Variants in SAMD12 observed in about 807,000 individuals in gnomAD.
SAMD12 encodes sterile alpha motif domain-containing protein 12.
In SAMD12, 9 loss-of-function variants were observed where a neutral mutation model predicts 15.0. That is an observed-to-expected ratio of 0.60 (90% CI 0.36 to 1.05). The LOEUF (loss-of-function observed/expected upper bound fraction) is 1.05. Among genes scored for constraint, SAMD12 ranks in the 50% least tolerant of loss-of-function variants. The pLI, the probability that SAMD12 is intolerant of heterozygous loss-of-function variation, is 0.01. For missense variants in SAMD12, 230 were observed against 234.2 expected (o/e 0.98, Z 0.12); for synonymous variants, 86 against 90.1 (o/e 0.96, Z 0.25).
intron 2 of SAMD12, among the ~76,000 whole-genome samples, chr8:118,513,216 A>C (rs187083565): frequency 6.6e-6 from 1 of 152,334 alleles, no homozygotes; most frequent in African/African-American, 2.4e-5. Context: ...TTAAATCACC[A>C]GCCCATCCCA....
At chr8:118,507,393 C>G (rs1563900013) in intron 2 of SAMD12, among the ~76,000 whole-genome samples, 1 of 151,984 alleles carries the variant, frequency 6.6e-6, no homozygotes, top group Non-Finnish European at 1.5e-5. Flanking sequence ...GTAAGTTTAA[C>G]ACGACAATAT....
chr8:118,329,675 T>C (rs1214333907), intron 4 of SAMD12, among the ~76,000 whole-genome samples: 2 of 152,232 alleles, frequency 1.3e-5, no homozygotes, highest in African/African-American at 4.8e-5. Flanking sequence ...TGCCTGTTTG[T>C]GAAATTCATC....
chr8:118,227,284 ATCT>A (rs1339982227), intron 4 of SAMD12, among the ~76,000 whole-genome samples: 1 of 152,120 alleles, frequency 6.6e-6, no homozygotes, highest in Non-Finnish European at 1.5e-5. Context: ...CAAATATCAC[ATCT>A]TCTCACTTAT....
chr8:118,335,192 A>G (rs1201058722), intron 4 of SAMD12, among the ~76,000 whole-genome samples: 1 of 152,192 alleles, frequency 6.6e-6, no homozygotes, highest in Non-Finnish European at 1.5e-5. Flanking sequence ...AGGAGTACAC[A>G]TGCAAGACCT....
chr8:118,417,649 C>T (rs1475729644), intron 3 of SAMD12, among the ~76,000 whole-genome samples: 2 of 151,904 alleles, frequency 1.3e-5, no homozygotes, highest in Non-Finnish European at 2.9e-5. Context: ...AGTAAGTAAA[C>T]ACATGGCCAG....
chr8:118,453,934 A>G (rs544848099), intron 2 of SAMD12, among the ~76,000 whole-genome samples: 10 of 152,040 alleles, frequency 6.6e-5, no homozygotes, highest in Non-Finnish European at 1.2e-4. Flanking sequence ...CCAAAGATCT[A>G]CCTCATAGAG....
chr8:118,234,502 G>A (rs1291622541), intron 4 of SAMD12, among the ~76,000 whole-genome samples: 1 of 151,912 alleles, frequency 6.6e-6, no homozygotes, highest in Non-Finnish European at 1.5e-5. Context: ...TTGAGGTCAG[G>A]AGTTCAAGAC....
At chr8:118,472,059 G>A (rs1823813506) in intron 2 of SAMD12, among the ~76,000 whole-genome samples, 1 of 151,896 alleles carries the variant, frequency 6.6e-6, no homozygotes, top group African/African-American at 2.4e-5. Context: ...AGGCCGAGGC[G>A]GGTGAATCAC....
chr8:118,255,257 C>G (rs11562708), intron 4 of SAMD12, among the ~76,000 whole-genome samples: 2,557 of 152,126 alleles, frequency 0.017, 83 homozygotes, highest in African/African-American at 0.058. Context: ...GCTCCATTCC[C>G]TCCAAATTTA....
intron 4 of SAMD12, among the ~76,000 whole-genome samples, chr8:118,334,403 A>T (rs888607038): frequency 1.3e-5 from 2 of 152,130 alleles, no homozygotes; most frequent in Non-Finnish European, 2.9e-5. Context: ...TAGTGAAGAG[A>T]TGCCTGCCTT....
chr8:118,459,829 G>A (rs560970745), intron 2 of SAMD12, among the ~76,000 whole-genome samples: 3 of 152,132 alleles, frequency 2.0e-5, no homozygotes, highest in Non-Finnish European at 4.4e-5. Context: ...AAGGCACTTT[G>A]GGATACACTG....
At chr8:118,187,385 A>G (rs563930714), downstream of SAMD12, among the ~76,000 whole-genome samples, 4 of 152,334 alleles carry the variant, frequency 2.6e-5, no homozygotes, top group South Asian at 2.1e-4. Context: ...TAATGATTTC[A>G]TCATTAACAG....
chr8:118,317,238 A>G (rs1213461562), intron 4 of SAMD12, among the ~76,000 whole-genome samples: 3 of 152,200 alleles, frequency 2.0e-5, no homozygotes, highest in Non-Finnish European at 4.4e-5. Context: ...CTGTTGTGGT[A>G]GCCCAAGCAA....
At chr8:118,555,480 A>C (rs4641102) in intron 2 of SAMD12, among the ~76,000 whole-genome samples, 24,677 of 152,150 alleles carry the variant, frequency 0.16, 2,094 homozygotes, top group Middle Eastern at 0.24. Flanking sequence ...CTAGTGCATC[A>C]CTTTGTGTTA....
the SAMD12 span, among the ~76,000 whole-genome samples, chr8:118,149,504 T>TCTTCTGG: frequency 7.9e-3 from 1,199 of 152,334 alleles, 20 homozygotes; most frequent in East Asian, 0.029. Flanking sequence ...ATTCTTTATG[T>TCTTCTGG]CTTCTGGGTT....
chr8:118,605,577 G>T (rs1438799169), intron 1 of SAMD12, among the ~76,000 whole-genome samples: 1 of 151,954 alleles, frequency 6.6e-6, no homozygotes, highest in Non-Finnish European at 1.5e-5. Flanking sequence ...ACTGGCCTTA[G>T]AAAAATTATT....
chr8:118,202,190 T>C (rs546294222), intron 4 of SAMD12, among the ~76,000 whole-genome samples: 7 of 152,380 alleles, frequency 4.6e-5, no homozygotes, highest in African/African-American at 1.7e-4. Flanking sequence ...TGATAGCTAC[T>C]ATTGTTTTAT....
chr8:118,283,474 G>T (rs138485310), intron 4 of SAMD12, among the ~76,000 whole-genome samples: 29 of 152,226 alleles, frequency 1.9e-4, no homozygotes, highest in African/African-American at 7.0e-4. Context: ...AGAGAGACAC[G>T]ACTAATCCAT....
intron 4 of SAMD12, among the ~76,000 whole-genome samples, chr8:118,305,797 T>C (rs182206874): frequency 7.5e-4 from 114 of 152,272 alleles, no homozygotes; most frequent in African/African-American, 2.6e-3. Context: ...TTGCCTACTC[T>C]GTTTGCCTGG....
Sources: allele counts gnomAD v4.1 joint callset (sites outside exome capture counted in the v4.1 genomes callset), GRCh38; gene constraint gnomAD v4.1.1; transcripts MANE v1.5; gene names NCBI Gene and HGNC (gene_info 2026-07-23, HGNC 2026-07-21).